GALNTL6: variants seen among roughly 807,000 people sequenced by gnomAD.
GALNTL6 encodes polypeptide N-acetylgalactosaminyltransferase-like 6.
Under a neutral mutation model 73.7 loss-of-function variants are expected in GALNTL6, and 46 were observed. That is an observed-to-expected ratio of 0.62 (90% confidence interval 0.49 to 0.80). The LOEUF (loss-of-function observed/expected upper bound fraction) is 0.80. Among genes scored for constraint, GALNTL6 ranks in the 30% least tolerant of loss-of-function variants. The pLI is 0.00. For missense variants in GALNTL6, 604 were observed against 755.0 expected, an observed-to-expected ratio of 0.80 and a Z score of 2.34; for synonymous variants, 259 against 263.7, an observed-to-expected ratio of 0.98 and a Z score of 0.17.
rs1306774825 is a variant in GALNTL6, at chr4:172,843,220, T to C, written c.923+29497T>C. Among the ~76,000 whole-genome samples, 3 of 152,328 alleles carry C rather than the reference T, an allele frequency of 2.0e-5. No homozygotes were observed. In the East Asian group the frequency reaches 5.8e-4, roughly 29 times the overall value. ...GTTCAGGAAAAAATGCCATTATAAA[T>C]GGAGGTTCTTGATTAGAGGCTAAAA... On this transcript the variant is annotated intron_variant, in intron 7 of 12. Coordinates refer to ENST00000506823, the MANE Select transcript of GALNTL6 (RefSeq NM_001034845.3).
intron 5 of GALNTL6, among the ~76,000 whole-genome samples, chr4:172,572,809 A>T (rs920620650): frequency 6.6e-6 from 1 of 152,194 alleles, no homozygotes; most frequent in Non-Finnish European, 1.5e-5. Flanking sequence ...TAATTATATT[A>T]TCAACAACCT....
chr4:171,874,388 C>A (rs1214981987), intron 2 of GALNTL6, among the ~76,000 whole-genome samples: 1 of 152,112 alleles, frequency 6.6e-6, no homozygotes, highest in East Asian at 1.9e-4. Context: ...CAGGGTTTCA[C>A]AATGTTGGCC....
chr4:173,005,728 A>G (rs754801988), intron 10 of GALNTL6, among the ~76,000 whole-genome samples: 1 of 152,178 alleles, frequency 6.6e-6, no homozygotes, highest in African/African-American at 2.4e-5. Context: ...AGAGCTGGAT[A>G]TTAATCTCAT....
chr4:172,164,395 A>G (rs1254224414), intron 2 of GALNTL6, among the ~76,000 whole-genome samples: 2 of 151,994 alleles, frequency 1.3e-5, no homozygotes, highest in African/African-American at 2.4e-5. Flanking sequence ...ATAACTGTAA[A>G]TTTTCATTAG....
chr4:172,650,578 T>A (rs910793147), intron 5 of GALNTL6, among the ~76,000 whole-genome samples: 1 of 152,046 alleles, frequency 6.6e-6, no homozygotes, highest in Non-Finnish European at 1.5e-5. Context: ...ATCGAATCAA[T>A]AACAAATAAT....
intron 2 of GALNTL6, among the ~76,000 whole-genome samples, chr4:172,092,274 ACTAATAACAT>A (rs1433464367): frequency 6.6e-6 from 1 of 152,138 alleles, no homozygotes. Flanking sequence ...TATAATTACG[ACTAATAACAT>A]ATACCAAGGC....
intron 5 of GALNTL6, among the ~76,000 whole-genome samples, chr4:172,728,502 A>AT (rs1294025515): frequency 6.7e-4 from 100 of 150,360 alleles, no homozygotes; most frequent in African/African-American, 2.3e-3. Context: ...GTACATATAC[A>AT]ATGAAATATA....
chr4:172,811,287 A>G (rs1025397340), intron 6 of GALNTL6, among the ~76,000 whole-genome samples: 2 of 152,190 alleles, frequency 1.3e-5, no homozygotes, highest in Non-Finnish European at 2.9e-5. Flanking sequence ...GCTGCTTTCA[A>G]CCTAAGCTAG....
At chr4:172,253,395 G>A (rs939787118) in intron 3 of GALNTL6, among the ~76,000 whole-genome samples, 12 of 151,974 alleles carry the variant, frequency 7.9e-5, no homozygotes, top group Admixed American at 2.0e-4. Context: ...ATGGATTGTC[G>A]TAAGAATGTC....
intron 5 of GALNTL6, among the ~76,000 whole-genome samples, chr4:172,646,137 A>G (rs1560854811): frequency 6.6e-6 from 1 of 152,056 alleles, no homozygotes; most frequent in Non-Finnish European, 1.5e-5. Flanking sequence ...TTTGTACTAT[A>G]TGCTATCCAA....
chr4:172,059,870 T>TA (rs1373478063), intron 2 of GALNTL6, among the ~76,000 whole-genome samples: 8 of 152,112 alleles, frequency 5.3e-5, no homozygotes, highest in African/African-American at 1.9e-4. Flanking sequence ...CTCCGAGGTT[T>TA]AAAATCAAAG....
At chr4:172,480,117 G>A (rs952795644) in intron 5 of GALNTL6, among the ~76,000 whole-genome samples, 2 of 152,090 alleles carry the variant, frequency 1.3e-5, no homozygotes, top group African/African-American at 4.8e-5. Context: ...TTGAGGCCAG[G>A]AGTTCAAGAC....
chr4:172,206,978 C>A (rs756826888), intron 2 of GALNTL6, among the ~76,000 whole-genome samples: 15 of 151,314 alleles, frequency 9.9e-5, no homozygotes, highest in Non-Finnish European at 1.3e-4. Flanking sequence ...CCACCACGCC[C>A]GGCTAGTTTT....
intron 5 of GALNTL6, among the ~76,000 whole-genome samples, chr4:172,426,230 T>C (rs1331813456): frequency 2.0e-5 from 3 of 152,168 alleles, no homozygotes; most frequent in Admixed American, 1.3e-4. Context: ...GTAACTTTAC[T>C]AGAAATGTGA....
At chr4:172,813,238 T>C (rs1336306203) in intron 6 of GALNTL6, among the ~76,000 whole-genome samples, 1 of 152,176 alleles carries the variant, frequency 6.6e-6, no homozygotes, top group Non-Finnish European at 1.5e-5. Flanking sequence ...CACGATAAAA[T>C]GACAGACTGG....
At chr4:172,727,199 A>G (rs1234037746) in intron 5 of GALNTL6, among the ~76,000 whole-genome samples, 2 of 152,184 alleles carry the variant, frequency 1.3e-5, no homozygotes, top group African/African-American at 2.4e-5. Flanking sequence ...TTGTGTGCCC[A>G]TAGAAAAACC....
At chr4:171,852,987 C>T (rs1735563315) in intron 2 of GALNTL6, among the ~76,000 whole-genome samples, 1 of 149,558 alleles carries the variant, frequency 6.7e-6, no homozygotes, top group South Asian at 2.1e-4. Context: ...GCTGGGACTA[C>T]AGGCGCCGCC....
intron 3 of GALNTL6, among the ~76,000 whole-genome samples, chr4:172,247,587 C>T (rs1428072545): frequency 6.6e-6 from 1 of 152,138 alleles, no homozygotes; most frequent in East Asian, 1.9e-4. Flanking sequence ...ATCTTGCTTT[C>T]TCTAATCCAC....
intron 5 of GALNTL6, among the ~76,000 whole-genome samples, chr4:172,613,682 A>C (rs1209507533): frequency 1.3e-5 from 2 of 152,178 alleles, no homozygotes; most frequent in Admixed American, 6.5e-5. Flanking sequence ...GTTGAAAAAC[A>C]TCTTTAAAGT....
Sources: allele counts gnomAD v4.1 joint callset (sites outside exome capture counted in the v4.1 genomes callset), GRCh38; gene constraint gnomAD v4.1.1; transcripts MANE v1.5; gene names NCBI Gene and HGNC (gene_info 2026-07-23, HGNC 2026-07-21).